The following ANK2 variants were observed in gnomAD, a reference collection of about 807,000 sequenced individuals.
ANK2 encodes the protein ankyrin 2, also known as ankyrin-2.
ANK2 carries 83 observed loss-of-function variants against 360.5 expected under a neutral mutation model. The ratio of observed to expected loss-of-function variants is 0.23; its 90% confidence interval spans 0.19 to 0.28. The LOEUF (loss-of-function observed/expected upper bound fraction) is 0.28, where lower values mean the gene tolerates loss of function less well. ANK2 is among the 10% of genes least tolerant of loss of function. The pLI is 1.00. For synonymous variants in ANK2, 1,740 were observed against 1,759.5 expected (o/e 0.99, Z 0.28); for missense variants, 4,201 against 4,795.7 (o/e 0.88, Z 3.66).
At chr4:113,298,651 A>T (rs2073257038) in intron 22 of ANK2, among the ~76,000 whole-genome samples, 2 of 152,310 alleles carry the variant, frequency 1.3e-5, no homozygotes, top group East Asian at 3.9e-4. Flanking sequence ...TTCTTTTGCC[A>T]TATTATCCGA....
At chr4:113,306,017 T>G (rs1485582847) in intron 23 of ANK2, among the ~76,000 whole-genome samples, 4 of 152,178 alleles carry the variant, frequency 2.6e-5, no homozygotes, top group African/African-American at 9.7e-5. Flanking sequence ...GTATACACAT[T>G]AAAGTAATCC....
chr4:112,841,700 C>T (rs763403074), intron 1 of ANK2, among the ~76,000 whole-genome samples: 7 of 152,102 alleles, frequency 4.6e-5, no homozygotes, highest in African/African-American at 7.2e-5. Flanking sequence ...TCTTACTGAC[C>T]GAATCATTCT....
intron 4 of ANK2, among the ~76,000 whole-genome samples, chr4:113,228,414 CT>C (rs2099251094): frequency 6.6e-6 from 1 of 152,164 alleles, no homozygotes; most frequent in Non-Finnish European, 1.5e-5. Flanking sequence ...TTAGCTCCCC[CT>C]AAGAGTGAGA....
chr4:113,204,874 C>T (rs2098922252), intron 4 of ANK2, among the ~76,000 whole-genome samples: 4 of 152,114 alleles, frequency 2.6e-5, no homozygotes, highest in Admixed American at 2.6e-4. Flanking sequence ...GAGGGCGTAT[C>T]CATAATCTGG....
chr4:113,204,604 A>G, intron 4 of ANK2, among the ~76,000 whole-genome samples: 1 of 152,206 alleles, frequency 6.6e-6, no homozygotes, highest in East Asian at 1.9e-4. Flanking sequence ...TGGACATGGA[A>G]AAATTTGAGG....
At chr4:112,728,677 C>CG in the ANK2 span, among the ~76,000 whole-genome samples, 35 of 151,504 alleles carry the variant, frequency 2.3e-4, no homozygotes, top group Non-Finnish European at 5.9e-5. Flanking sequence ...ACCTGAGCCC[C>CG]GGGGAGTTGA....
intron 45 of ANK2, among the ~76,000 whole-genome samples, chr4:113,379,037 T>C (rs998103363): frequency 6.6e-6 from 1 of 152,114 alleles, no homozygotes; most frequent in Non-Finnish European, 1.5e-5. Context: ...CTTTAGAACA[T>C]AATAATTAGA....
intron 2 of ANK2, among the ~76,000 whole-genome samples, chr4:112,952,508 C>T (rs2095090017): frequency 6.6e-6 from 1 of 152,256 alleles, no homozygotes; most frequent in African/African-American, 2.4e-5. Context: ...ATGAAAGAGA[C>T]CATTCTTTGA....
chr4:113,110,636 G>C (rs576733387), intron 1 of ANK2, among the ~76,000 whole-genome samples: 1 of 152,242 alleles, frequency 6.6e-6, no homozygotes, highest in Non-Finnish European at 1.5e-5. Context: ...TTTTCACCAG[G>C]TGAAAAATGA....
chr4:112,871,330 C>T (rs555071498), intron 1 of ANK2, among the ~76,000 whole-genome samples: 13 of 152,108 alleles, frequency 8.5e-5, no homozygotes, highest in African/African-American at 2.4e-4. Context: ...GGACTATAGG[C>T]GCACGCCGCT....
intron 1 of ANK2, among the ~76,000 whole-genome samples, chr4:113,107,213 C>T (rs557714806): frequency 1.3e-5 from 2 of 152,006 alleles, no homozygotes; most frequent in Admixed American, 6.6e-5. Flanking sequence ...TTCCAAGTTG[C>T]GTGTTAGATT....
At chr4:112,760,496 A>ATATTCTTTTTTTTTTCTTCATTG in the ANK2 span, among the ~76,000 whole-genome samples, 1 of 149,932 alleles carries the variant, frequency 6.7e-6, no homozygotes, top group Admixed American at 6.6e-5. Context: ...CTCAAATTCC[A>ATATTCTTTTTTTTTTCTTCATTG]TATTCTTTTT....
chr4:113,099,601 G>C (rs894677273), intron 1 of ANK2, among the ~76,000 whole-genome samples: 1 of 151,908 alleles, frequency 6.6e-6, no homozygotes, highest in Admixed American at 6.6e-5. Context: ...CAAAATCTCA[G>C]CAAGTTGTCT....
At chr4:112,866,061 C>T (rs1222840197) in intron 1 of ANK2, among the ~76,000 whole-genome samples, 1 of 152,198 alleles carries the variant, frequency 6.6e-6, no homozygotes, top group African/African-American at 2.4e-5. Context: ...AGAGTCAGCA[C>T]TACTGTTTTT....
the ANK2 span, among the ~76,000 whole-genome samples, chr4:112,783,472 T>G: frequency 6.6e-6 from 1 of 152,174 alleles, no homozygotes. Flanking sequence ...ATCATTCCCA[T>G]GCATTTCTTT....
chr4:113,241,335 G>A (rs190907270), intron 8 of ANK2, among the ~76,000 whole-genome samples: 38 of 152,256 alleles, frequency 2.5e-4, no homozygotes, highest in African/African-American at 7.9e-4. Flanking sequence ...GGAGACGTTT[G>A]TTTGTTGTTG....
chr4:113,090,984 C>T (rs1354788629), intron 1 of ANK2, among the ~76,000 whole-genome samples: 1 of 152,166 alleles, frequency 6.6e-6, no homozygotes, highest in Non-Finnish European at 1.5e-5. Context: ...AGGGCTACTT[C>T]TGGGCATATC....
chr4:113,316,894 T>C (rs1256265781), intron 24 of ANK2, among the ~76,000 whole-genome samples: 1 of 152,212 alleles, frequency 6.6e-6, no homozygotes, highest in East Asian at 1.9e-4. Context: ...CCAAACCTCA[T>C]TTTTGGTCAG....
rs566046345 is a variant in ANK2, at chr4:113,097,912, A to G, written c.84+48100A>G. On this transcript the variant is annotated intron_variant, in intron 1 of 45. Coordinates refer to ENST00000357077, the MANE Select transcript of ANK2 (RefSeq NM_001148.6). ...CACACGCACACACACATATATATGT[A>G]TATATACACACACACACAAATCATA... Among the ~76,000 whole-genome samples the G allele has an allele frequency of 5.5e-5, 8 of 145,752 alleles. No homozygotes were observed. In the South Asian group the frequency reaches 6.4e-4, roughly 12 times the overall value.
Sources: gnomAD v4.1 joint callset for allele counts (sites outside exome capture counted in the v4.1 genomes callset) on GRCh38, gnomAD v4.1.1 for gene constraint, MANE v1.5 for transcripts, NCBI Gene and HGNC (gene_info 2026-07-23, HGNC 2026-07-21) for gene names.